The following SPMIP2 variants were observed in gnomAD, a reference collection of about 807,000 sequenced individuals.
SPMIP2 encodes sperm microtubule inner protein 2.
chr4:159,034,091 C>T, the SPMIP2 span, among the ~76,000 whole-genome samples: 1 of 152,156 alleles, frequency 6.6e-6, no homozygotes. Context: ...GAGCCCAGAT[C>T]GTGCCATTGC....
At chr4:159,003,574 ACGG>A in the SPMIP2 span, among the ~76,000 whole-genome samples, 1 of 152,138 alleles carries the variant, frequency 6.6e-6, no homozygotes, top group South Asian at 2.1e-4. Context: ...GCTGTACAGT[ACGG>A]CGCCTCAGAT....
At chr4:158,959,304 C>A in the SPMIP2 span, among the ~76,000 whole-genome samples, 1 of 152,042 alleles carries the variant, frequency 6.6e-6, no homozygotes, top group Non-Finnish European at 1.5e-5. Flanking sequence ...GCAGTGGATG[C>A]CTGCAATGCT....
At chr4:158,905,600 G>A in the SPMIP2 span, 1 of 151,050 alleles carries the variant, frequency 6.6e-6, no homozygotes, top group East Asian at 1.9e-4. Context: ...TCATTTCTGT[G>A]CCTTCTAATT....
At chr4:159,037,161 C>G in the SPMIP2 span, among the ~76,000 whole-genome samples, 1 of 152,198 alleles carries the variant, frequency 6.6e-6, no homozygotes, top group Non-Finnish European at 1.5e-5. Context: ...GCCTTTGAGA[C>G]TGTTACAAAC....
the SPMIP2 span, among the ~76,000 whole-genome samples, chr4:158,978,425 T>G: frequency 1.3e-5 from 2 of 152,224 alleles, no homozygotes; most frequent in Non-Finnish European, 2.9e-5. Flanking sequence ...TAGATGTCTA[T>G]TAGGTCTGCT....
At chr4:158,903,203 C>T in the SPMIP2 span, among the ~76,000 whole-genome samples, 1 of 152,158 alleles carries the variant, frequency 6.6e-6, no homozygotes, top group Non-Finnish European at 1.5e-5. Context: ...ATATTGAGTT[C>T]CTCACGGCTT....
the SPMIP2 span, among the ~76,000 whole-genome samples, chr4:158,911,384 A>AAATAAAT: frequency 9.9e-3 from 786 of 79,246 alleles, 7 homozygotes; most frequent in African/African-American, 0.045. Context: ...ATAAATAAAT[A>AAATAAAT]AAATAAATAA....
chr4:158,987,793 A>T, the SPMIP2 span, among the ~76,000 whole-genome samples: 1 of 151,884 alleles, frequency 6.6e-6, no homozygotes, highest in African/African-American at 2.4e-5. Flanking sequence ...AATAAAATAA[A>T]AATAAAATAA....
At chr4:158,954,145 T>A in the SPMIP2 span, among the ~76,000 whole-genome samples, 1 of 152,146 alleles carries the variant, frequency 6.6e-6, no homozygotes, top group African/African-American at 2.4e-5. Context: ...TGGCTCTGTG[T>A]CCCCACCCAA....
At chr4:159,062,724 T>TCTCTCTCTCTCTCTCC in the SPMIP2 span, among the ~76,000 whole-genome samples, 21 of 151,574 alleles carry the variant, frequency 1.4e-4, no homozygotes, top group African/African-American at 4.4e-4. Context: ...TCTCTCTCTC[T>TCTCTCTCTCTCTCTCC]GTCACCCAGG....
chr4:159,030,143 T>C, the SPMIP2 span, among the ~76,000 whole-genome samples: 1 of 152,224 alleles, frequency 6.6e-6, no homozygotes, highest in Admixed American at 6.5e-5. Context: ...CTGGGTGCGG[T>C]GGCTCATGCC....
At chr4:158,927,805 G>A in the SPMIP2 span, among the ~76,000 whole-genome samples, 4 of 152,214 alleles carry the variant, frequency 2.6e-5, no homozygotes, top group Admixed American at 2.0e-4. Flanking sequence ...AGCAGCCGGC[G>A]GGCCCTGCTG....
At chr4:158,964,928 C>T in the SPMIP2 span, among the ~76,000 whole-genome samples, 1 of 152,148 alleles carries the variant, frequency 6.6e-6, no homozygotes, top group African/African-American at 2.4e-5. Context: ...CCCCACAATC[C>T]AACTACCTCC....
At chr4:159,031,533 A>G in the SPMIP2 span, among the ~76,000 whole-genome samples, 1 of 152,268 alleles carries the variant, frequency 6.6e-6, no homozygotes, top group South Asian at 2.1e-4. Flanking sequence ...TTGGATCCTT[A>G]TTCTCAAAAT....
the SPMIP2 span, among the ~76,000 whole-genome samples, chr4:158,904,236 A>G: frequency 6.6e-6 from 1 of 152,120 alleles, no homozygotes; most frequent in African/African-American, 2.4e-5. Context: ...CAGGCACAAC[A>G]CACTTCCTGT....
the SPMIP2 span, chr4:159,034,904 C>CA: frequency 1.4e-6 from 1 of 731,534 alleles, no homozygotes; most frequent in Admixed American, 2.9e-5. Context: ...AAAAAAAACC[C>CA]AAAAAACAAA....
chr4:158,893,556 G>T, the SPMIP2 span: 1 of 629,166 alleles, frequency 1.6e-6, no homozygotes, highest in East Asian at 2.8e-5. Context: ...TGTTTATTTG[G>T]GCTTTAAGCT....
the SPMIP2 span, among the ~76,000 whole-genome samples, chr4:159,015,300 G>A: frequency 6.6e-6 from 1 of 152,146 alleles, no homozygotes; most frequent in African/African-American, 2.4e-5. Context: ...TTTACTGAAG[G>A]AAAGGAAAAA....
At chr4:158,911,851 G>A in the SPMIP2 span, among the ~76,000 whole-genome samples, 7 of 152,154 alleles carry the variant, frequency 4.6e-5, no homozygotes, top group African/African-American at 1.7e-4. Context: ...CTGTGTATTG[G>A]AATGAAGGGG....
Sources: allele counts gnomAD v4.1 joint callset (sites outside exome capture counted in the v4.1 genomes callset), GRCh38; gene constraint gnomAD v4.1.1; transcripts MANE v1.5; gene names NCBI Gene and HGNC (gene_info 2026-07-23, HGNC 2026-07-21).